Variants in TRARG1 observed in about 807,000 individuals in gnomAD.
TRARG1 encodes the protein trafficking regulator of GLUT4 1.
TRARG1 carries 16 observed loss-of-function variants against 13.3 expected under a neutral mutation model. The observed-to-expected ratio is 1.20, with a 90% confidence interval of 0.81 to 1.83. The LOEUF (loss-of-function observed/expected upper bound fraction) is 1.83. Ranked by LOEUF, TRARG1 falls within the 40% of genes most tolerant of loss-of-function variation. The pLI is 0.00. For synonymous variants in TRARG1, 113 were observed against 106.2 expected, an observed-to-expected ratio of 1.06 and a Z score of -0.39; for missense variants, 250 against 237.4, an observed-to-expected ratio of 1.05 and a Z score of -0.35.
intron 1 of TRARG1, among the ~76,000 whole-genome samples, chr17:1,285,156 T>C (rs540675465): frequency 3.2e-4 from 49 of 151,850 alleles, no homozygotes; most frequent in Non-Finnish European, 3.5e-4. Flanking sequence ...CTCGTGCCTG[T>C]AATCCCAGCG....
chr17:1,287,735 C>T (rs1390094774), intron 1 of TRARG1, among the ~76,000 whole-genome samples: 5 of 152,052 alleles, frequency 3.3e-5, no homozygotes, highest in African/African-American at 9.7e-5. Context: ...TCACTGCAAC[C>T]TCCACCTCCC....
intron 1 of TRARG1, among the ~76,000 whole-genome samples, chr17:1,281,893 A>T (rs35891515): frequency 6.6e-6 from 1 of 151,846 alleles, no homozygotes; most frequent in African/African-American, 2.4e-5. Flanking sequence ...CAATGAGACC[A>T]CAGAACCTGC....
At chr17:1,293,152 C>A (rs953325954) in intron 1 of TRARG1, among the ~76,000 whole-genome samples, 2 of 151,846 alleles carry the variant, frequency 1.3e-5, no homozygotes, top group African/African-American at 4.8e-5. Flanking sequence ...GGCGTAGTGG[C>A]GGTCACCTGT....
At chr17:1,286,000 C>G (rs1273572723) in intron 1 of TRARG1, among the ~76,000 whole-genome samples, 1 of 152,178 alleles carries the variant, frequency 6.6e-6, no homozygotes, top group Non-Finnish European at 1.5e-5. Flanking sequence ...GCATAGATCC[C>G]TGGTGACCGG....
rs143790754 is a variant in TRARG1 at position 1,284,462 on chromosome 17, C to G, written c.387+4074C>G. 5.2e-3 allele frequency among the ~76,000 whole-genome samples: 790 copies of G among 152,154 alleles called. 6 individuals are homozygous for G. Among genetic ancestry groups the G allele is most frequent in the African/African-American group, 0.018 (735 of 41,508 alleles). ...GAGGGGTTGGAGGGGATGAGGCTGG[C>G]GTTCAGCAGAGGGGACCCTCGTAGG... On this transcript the variant is annotated intron_variant, in intron 1 of 2. Coordinates refer to ENST00000333813, the MANE Select transcript of TRARG1 (RefSeq NM_172367.3).
At chr17:1,291,096 G>A (rs1331951167) in intron 1 of TRARG1, among the ~76,000 whole-genome samples, 2 of 151,922 alleles carry the variant, frequency 1.3e-5, no homozygotes, top group South Asian at 2.1e-4. Flanking sequence ...AGTAGAGACG[G>A]GGTTTCACCA....
chr17:1,280,522 C>T (rs1474646752), intron 1 of TRARG1, 134 bp downstream of exon 1: 2 of 1,000,950 alleles, frequency 2.0e-6, no homozygotes, highest in African/African-American at 1.6e-5. Flanking sequence ...GGGAAGACTC[C>T]TTTCCTCACT....
intron 1 of TRARG1, among the ~76,000 whole-genome samples, chr17:1,289,551 G>T (rs564800386): frequency 2.7e-5 from 4 of 150,566 alleles, no homozygotes; most frequent in Non-Finnish European, 5.9e-5. Flanking sequence ...GCCGGACACG[G>T]CACTGTCAGC....
chr17:1,292,000 C>A (rs2072072802), intron 1 of TRARG1, among the ~76,000 whole-genome samples: 1 of 152,048 alleles, frequency 6.6e-6, no homozygotes, highest in Non-Finnish European at 1.5e-5. Flanking sequence ...GATGAAACCC[C>A]ATCTCTACTA....
At chr17:1,286,997 A>T (rs2072029974) in intron 1 of TRARG1, among the ~76,000 whole-genome samples, 9 of 151,928 alleles carry the variant, frequency 5.9e-5, no homozygotes, top group Admixed American at 5.9e-4. Context: ...GGTGAGGAGG[A>T]TGCTGGTGAG....
chr17:1,290,905 A>ATTT (rs34602713), intron 1 of TRARG1, among the ~76,000 whole-genome samples: 1,856 of 141,502 alleles, frequency 0.013, 16 homozygotes, highest in African/African-American at 0.02. Context: ...GATCTGATGG[A>ATTT]TTTTTTTTTT....
At chr17:1,280,965 G>A (rs1418873239) in intron 1 of TRARG1, among the ~76,000 whole-genome samples, 3 of 152,346 alleles carry the variant, frequency 2.0e-5, no homozygotes, top group East Asian at 1.9e-4. Flanking sequence ...CTCCCGAGGC[G>A]TGGAGTTCCC....
Position 1,279,921 on chromosome 17 carries a change from G to T in TRARG1, c.-81G>T, listed in dbSNP as rs1189291522. On this transcript the variant is annotated 5_prime_UTR_variant, in exon 1 of 3. Transcript: ENST00000333813. ...CCCCGACCTGGAGGCCCTCAGTCTG[G>T]GCTGGGGAATGGCGCGCTGAGGTCC... 9 of 1,501,060 alleles carry T rather than the reference G, an allele frequency of 6.0e-6. No homozygotes were observed. Among genetic ancestry groups the T allele is most frequent in the Non-Finnish European group, 8.0e-6 (9 of 1,120,840 alleles). The allele number at this position is 1,501,060 out of a possible 1,614,324, so 93.0% of individuals were successfully genotyped here. A position where few individuals can be genotyped will look rare whatever the true frequency, so the allele number is the denominator to read the frequency against.
rs79312610 is a variant in TRARG1, at chr17:1,290,816, G to A, written c.388-4675G>A. On this transcript the variant is annotated intron_variant, in intron 1 of 2. Transcript: ENST00000333813. ...CATAATCCCCTCGTGTCCTGGGAGG[G>A]ACCCGGTGGAGGTCATTGAATCATG... is the stretch of plus-strand genomic sequence containing the variant. Among the ~76,000 whole-genome samples the A allele has an allele frequency of 3.3e-5, 5 of 152,100 alleles. No individual in the cohort carries two copies. The East Asian group carries it at 9.6e-4, about 29-fold the overall frequency.
chr17:1,279,964 C>T lies in TRARG1; in HGVS notation c.-38C>T, dbSNP rs1007025479. ...TGAGGTCCCTCCAGAGCCCCTTGTC[C>T]CAGCCTGGAGCTGCAGCCGCGCAAG... On this transcript the variant is annotated 5_prime_UTR_variant, in exon 1 of 3. Coordinates refer to ENST00000333813, the MANE Select transcript of TRARG1 (RefSeq NM_172367.3). The T allele has an allele frequency of 1.1e-5, 18 of 1,576,426 alleles. No homozygotes were observed. The highest frequency in any genetic ancestry group is 1.5e-5 in the Non-Finnish European group (17 of 1,160,360).
At chr17:1,290,151 C>G (rs553881566) in intron 1 of TRARG1, among the ~76,000 whole-genome samples, 1 of 152,088 alleles carries the variant, frequency 6.6e-6, no homozygotes, top group East Asian at 1.9e-4. Context: ...AAACTGTCTG[C>G]TCTCAATCTC....
chr17:1,294,150 T>A (rs1397402631), intron 1 of TRARG1, among the ~76,000 whole-genome samples: 1 of 151,990 alleles, frequency 6.6e-6, no homozygotes, highest in African/African-American at 2.4e-5. Flanking sequence ...TGCGTGTGCC[T>A]GTTCTAGGGA....
intron 1 of TRARG1, among the ~76,000 whole-genome samples, chr17:1,292,721 A>G (rs983464324): frequency 6.6e-6 from 1 of 152,216 alleles, no homozygotes; most frequent in African/African-American, 2.4e-5. Flanking sequence ...TCCTCCAGGA[A>G]GTCTTCCCTG....
intron 1 of TRARG1, among the ~76,000 whole-genome samples, chr17:1,287,736 T>C (rs1227634189): frequency 6.6e-6 from 1 of 151,904 alleles, no homozygotes; most frequent in Non-Finnish European, 1.5e-5. Flanking sequence ...CACTGCAACC[T>C]CCACCTCCCA....
Sources: gnomAD v4.1 joint callset for allele counts (sites outside exome capture counted in the v4.1 genomes callset) on GRCh38, gnomAD v4.1.1 for gene constraint, MANE v1.5 for transcripts, NCBI Gene and HGNC (gene_info 2026-07-23, HGNC 2026-07-21) for gene names.